Variants in FABP7 observed in about 807,000 individuals in gnomAD.
FABP7 encodes fatty acid-binding protein, brain.
Under a neutral mutation model 14.2 loss-of-function variants are expected in FABP7, and 13 were observed. That is an observed-to-expected ratio of 0.91 (90% CI 0.59 to 1.45). FABP7 has a LOEUF of 1.45. Among genes scored for constraint, FABP7 ranks in the 40% most tolerant of loss-of-function variants. The probability of loss-of-function intolerance (pLI) is 0.00; values close to 1 mark genes in which losing one functional copy is unlikely to be tolerated. For synonymous variants in FABP7, 49 were observed against 51.4 expected (o/e 0.95, Z 0.20); for missense variants, 149 against 157.6 (o/e 0.95, Z 0.29).
At chr6:122,781,062 G>A in intron 2 of FABP7, 31 bp from the exon 3 acceptor site, 1 of 1,593,162 alleles carries the variant, frequency 6.3e-7, no homozygotes, top group South Asian at 1.1e-5. Flanking sequence ...TGTATTTATT[G>A]CTATGTTCTG....
At chr6:122,760,936 A>G in the FABP7 span, among the ~76,000 whole-genome samples, 1 of 152,192 alleles carries the variant, frequency 6.6e-6, no homozygotes, top group African/African-American at 2.4e-5. Context: ...TTCCTCATTA[A>G]CTAATCAGAT....
the FABP7 span, among the ~76,000 whole-genome samples, chr6:122,765,415 C>CTA: frequency 7.9e-5 from 12 of 151,668 alleles, no homozygotes; most frequent in South Asian, 4.2e-4. Flanking sequence ...AGATATGTAT[C>CTA]TATATATATA....
chr6:122,767,736 C>T, the FABP7 span, among the ~76,000 whole-genome samples: 2 of 134,510 alleles, frequency 1.5e-5, no homozygotes, highest in South Asian at 4.7e-4. Flanking sequence ...CATAGCAAGA[C>T]CCTGTTCTCC....
chr6:122,783,207 G>A (rs963136027), intron 3 of FABP7: 46 of 985,226 alleles, frequency 4.7e-5, no homozygotes, highest in Non-Finnish European at 5.5e-5. Flanking sequence ...CGTTCACATA[G>A]GCTAAACCAT....
the FABP7 span, among the ~76,000 whole-genome samples, chr6:122,771,458 C>T: frequency 5.9e-5 from 9 of 152,204 alleles, no homozygotes; most frequent in African/African-American, 1.9e-4. Flanking sequence ...CAAAAAAGAT[C>T]TTCAAGGAAT....
In FABP7 at chr6:122,780,768, T is replaced by C. The variant is rs540277317; in HGVS notation, c.246+305T>C. Among the ~76,000 whole-genome samples the C allele has an allele frequency of 3.3e-5, 5 of 152,352 alleles. No individual in the cohort carries two copies. In the East Asian group the frequency reaches 7.7e-4, roughly 23 times the overall value. On this transcript the variant is annotated intron_variant, in intron 2 of 3. Coordinates refer to ENST00000368444, the MANE Select transcript of FABP7 (RefSeq NM_001446.5). ...GAAAGAGAGATTGCATTTTGTTTAATTCCCCAGGTTGCCTCAGATTGACTA... is the reference window on the plus strand; with the variant it reads ...GAAAGAGAGATTGCATTTTGTTTAACTCCCCAGGTTGCCTCAGATTGACTA...
At chr6:122,760,666 T>C in the FABP7 span, among the ~76,000 whole-genome samples, 118,164 of 151,908 alleles carry the variant, frequency 0.78, 48,636 homozygotes, top group Non-Finnish European at 0.9. Flanking sequence ...AAAAATATGA[T>C]TGGGGAGTGA....
chr6:122,755,047 C>G, the FABP7 span, among the ~76,000 whole-genome samples: 1 of 151,924 alleles, frequency 6.6e-6, no homozygotes, highest in Non-Finnish European at 1.5e-5. Context: ...AATAGTGCTA[C>G]TCCAAAAGGC....
the FABP7 span, among the ~76,000 whole-genome samples, chr6:122,753,399 A>G: frequency 6.6e-6 from 1 of 151,918 alleles, no homozygotes; most frequent in Admixed American, 6.6e-5. Flanking sequence ...GAAAATTGAA[A>G]GCATTCAGTA....
chr6:122,780,986 T>C, intron 2 of FABP7, 107 bp from the exon 3 acceptor site: 2 of 1,303,102 alleles, frequency 1.5e-6, no homozygotes, highest in South Asian at 1.7e-5. Context: ...AATTAACTGA[T>C]CATGATTTAT....
chr6:122,752,951 T>C, the FABP7 span, among the ~76,000 whole-genome samples: 1 of 152,204 alleles, frequency 6.6e-6, no homozygotes, highest in Admixed American at 6.5e-5. Flanking sequence ...TTGTTTCCAT[T>C]GTTTTTTGCT....
In FABP7 at chr6:122,783,759, A is replaced by G. The variant is rs1158762302; in HGVS notation, c.391A>G (p.Lys131Glu). 6.2e-7 allele frequency: 1 copy of G among 1,608,414 alleles called. No individual in the cohort carries two copies. Among genetic ancestry groups the G allele is most frequent in the Non-Finnish European group, 8.5e-7 (1 of 1,178,256 alleles). The change falls in exon 4 of 4, where the codon AAG becomes GAG. Residue 131 changes from lysine to glutamate, a missense_variant. Coordinates refer to ENST00000368444, the MANE Select transcript of FABP7 (RefSeq NM_001446.5). ...TGTGGTTGCTGTTCGCCACTATGAG[A>G]AGGCATAAAAATGTTCCTGGTCGGG... ...GDVVAVRHYE[K>E]A
chr6:122,775,564 A>G (rs554003029), upstream of FABP7, among the ~76,000 whole-genome samples: 69 of 152,288 alleles, frequency 4.5e-4, no homozygotes, highest in Middle Eastern at 6.8e-3. Context: ...AACTACTACC[A>G]GAAAACATTG....
At chr6:122,757,572 A>C in the FABP7 span, among the ~76,000 whole-genome samples, 42 of 152,098 alleles carry the variant, frequency 2.8e-4, no homozygotes, top group African/African-American at 8.7e-4. Context: ...TCACAAATTA[A>C]ACAGAGTTTG....
the FABP7 span, among the ~76,000 whole-genome samples, chr6:122,770,927 C>A: frequency 1.3e-5 from 2 of 152,188 alleles, no homozygotes; most frequent in Non-Finnish European, 2.9e-5. Flanking sequence ...CCTATACCTA[C>A]ACTTGATTTA....
At chr6:122,769,806 C>T in the FABP7 span, among the ~76,000 whole-genome samples, 1 of 151,920 alleles carries the variant, frequency 6.6e-6, no homozygotes, top group South Asian at 2.1e-4. Context: ...ATAGTGTAAT[C>T]CTAATGGTTT....
At chr6:122,770,623 A>C in the FABP7 span, among the ~76,000 whole-genome samples, 1 of 152,160 alleles carries the variant, frequency 6.6e-6, no homozygotes, top group Non-Finnish European at 1.5e-5. Flanking sequence ...TTTGTTTTTC[A>C]ATACAAAGTT....
At chr6:122,754,920 A>G in the FABP7 span, among the ~76,000 whole-genome samples, 1 of 151,856 alleles carries the variant, frequency 6.6e-6, no homozygotes, top group South Asian at 2.1e-4. Flanking sequence ...TCTCCACCTA[A>G]ACTCACCAAC....
chr6:122,761,312 G>A, the FABP7 span, among the ~76,000 whole-genome samples: 1 of 152,248 alleles, frequency 6.6e-6, no homozygotes, highest in Admixed American at 6.5e-5. Context: ...TAGGACATTA[G>A]ACAAAGAAGA....
Sources: gnomAD v4.1 joint callset for allele counts (sites outside exome capture counted in the v4.1 genomes callset) on GRCh38, gnomAD v4.1.1 for gene constraint, MANE v1.5 for transcripts, NCBI Gene and HGNC (gene_info 2026-07-23, HGNC 2026-07-21) for gene names.